Variants in FLI1 observed in about 807,000 individuals in gnomAD.
The protein encoded by FLI1 is Fli-1 proto-oncogene, ETS transcription factor.
In FLI1, 13 loss-of-function variants were observed where a neutral mutation model predicts 53.1. The observed-to-expected ratio is 0.24, with a 90% CI of 0.16 to 0.39. FLI1 has a LOEUF of 0.39. Ranked by LOEUF, FLI1 falls within the 10% of genes least tolerant of loss-of-function variation. FLI1 has a pLI of 1.00. For synonymous variants in FLI1, 244 were observed against 236.7 expected, an observed-to-expected ratio of 1.03 and a Z score of -0.28; for missense variants, 424 against 600.5, an observed-to-expected ratio of 0.71 and a Z score of 3.07.
At chr11:128,797,185 C>G (rs115788396) in intron 5 of FLI1, among the ~76,000 whole-genome samples, 302 of 152,350 alleles carry the variant, frequency 2.0e-3, no homozygotes, top group African/African-American at 6.7e-3. Context: ...AGACCACAGA[C>G]TTGACAATCA....
intron 1 of FLI1, among the ~76,000 whole-genome samples, chr11:128,706,557 T>C (rs1372793942): frequency 6.6e-6 from 1 of 152,118 alleles, no homozygotes; most frequent in Non-Finnish European, 1.5e-5. Context: ...CTTCAAGATG[T>C]AGTGTGTCAA....
chr11:128,688,273 G>A lies in FLI1; in HGVS notation c.-203+1572G>A, dbSNP rs537386933. Among the ~76,000 whole-genome samples the A allele has an allele frequency of 2.2e-4, 34 of 152,368 alleles. No individual in the cohort carries two copies. The South Asian group carries it at 7.0e-3, about 32-fold the overall frequency. ...GGCCACGGGTCAGGGACAAAGCGGA[G>A]GCGAGGAGACGGCAGTCTGGGAGCT... On this transcript the variant is annotated intron_variant, in intron 1 of 6. Transcript: ENST00000344954.
At chr11:128,798,069 G>A (rs187177691) in intron 5 of FLI1, among the ~76,000 whole-genome samples, 232 of 152,262 alleles carry the variant, frequency 1.5e-3, no homozygotes, top group African/African-American at 5.1e-3. Flanking sequence ...AGGGCGTTGC[G>A]TATAAACTGC....
chr11:128,761,374 A>T (rs986312771), intron 2 of FLI1, among the ~76,000 whole-genome samples: 1 of 152,192 alleles, frequency 6.6e-6, no homozygotes, highest in Non-Finnish European at 1.5e-5. Flanking sequence ...TGTCTGTCCT[A>T]GTTCTTATCA....
chr11:128,752,786 G>A (rs1385814770), intron 1 of FLI1, among the ~76,000 whole-genome samples: 1 of 152,184 alleles, frequency 6.6e-6, no homozygotes, highest in Non-Finnish European at 1.5e-5. Flanking sequence ...TATTTAATAA[G>A]TGCTGTGATT....
intron 1 of FLI1, among the ~76,000 whole-genome samples, chr11:128,730,553 A>G (rs1327699523): frequency 6.6e-6 from 1 of 152,176 alleles, no homozygotes; most frequent in Non-Finnish European, 1.5e-5. Flanking sequence ...GAACAGACAC[A>G]TGTTTTCATT....
upstream of FLI1, chr11:128,691,527 G>A (rs1283342663): frequency 4.6e-5 from 7 of 152,190 alleles, no homozygotes; most frequent in East Asian, 1.3e-3. Context: ...ACCAGTGCCA[G>A]TCTGTGAGTC....
chr11:128,751,358 C>CTTT (rs55904040), intron 1 of FLI1, among the ~76,000 whole-genome samples: 2 of 142,640 alleles, frequency 1.4e-5, no homozygotes, highest in African/African-American at 5.1e-5. Flanking sequence ...TTTTTTTTAA[C>CTTT]TTTTTTTTTT....
intron 1 of FLI1, among the ~76,000 whole-genome samples, chr11:128,729,627 T>A (rs1022915488): frequency 6.6e-6 from 1 of 152,140 alleles, no homozygotes; most frequent in African/African-American, 2.4e-5. Flanking sequence ...CCCCTTTTGC[T>A]CCCTTTGGTG....
At chr11:128,791,748 G>A (rs1378036582) in intron 5 of FLI1, among the ~76,000 whole-genome samples, 1 of 152,118 alleles carries the variant, frequency 6.6e-6, no homozygotes, top group African/African-American at 2.4e-5. Context: ...GTGGTTCCTT[G>A]GAAGCTGTGA....
chr11:128,750,181 C>A (rs528070952), intron 1 of FLI1, among the ~76,000 whole-genome samples: 1 of 152,180 alleles, frequency 6.6e-6, no homozygotes, highest in Non-Finnish European at 1.5e-5. Context: ...CTGGGAGCGG[C>A]GGAGTGGGCC....
Position 128,768,285 on chromosome 11 carries a change from C to A in FLI1, c.385+13C>A. ...ATCGTCCCCGCAGGTAATTCGAGAACCAGGCTGCCTGGGCGCCATTCACTT... is the reference window on the plus strand; with the variant it reads ...ATCGTCCCCGCAGGTAATTCGAGAAACAGGCTGCCTGGGCGCCATTCACTT... On this transcript the variant is annotated intron_variant, in intron 3 of 8. Coordinates refer to ENST00000527786, the MANE Select transcript of FLI1 (RefSeq NM_002017.5). 6.2e-7 allele frequency: 1 copy of A among 1,610,444 alleles called. No individual in the cohort carries two copies. The highest frequency in any genetic ancestry group is 1.1e-5 in the South Asian group (1 of 90,800).
At chr11:128,767,682 C>T (rs951812326) in intron 2 of FLI1, among the ~76,000 whole-genome samples, 5 of 152,192 alleles carry the variant, frequency 3.3e-5, no homozygotes, top group Admixed American at 6.5e-5. Flanking sequence ...AGTCAGGGGG[C>T]GCAGGCCAAG....
At chr11:128,729,202 A>G (rs1368502056) in intron 1 of FLI1, among the ~76,000 whole-genome samples, 2 of 152,236 alleles carry the variant, frequency 1.3e-5, no homozygotes, top group Admixed American at 6.5e-5. Flanking sequence ...CATGGTTCAA[A>G]GAAAAAAGGT....
At chr11:128,747,624 C>T in intron 1 of FLI1, among the ~76,000 whole-genome samples, 1 of 152,238 alleles carries the variant, frequency 6.6e-6, no homozygotes, top group East Asian at 1.9e-4. Flanking sequence ...TTGCTTTGCG[C>T]TGTCCCTTTG....
intron 5 of FLI1, among the ~76,000 whole-genome samples, chr11:128,785,775 C>T (rs1045632118): frequency 9.9e-5 from 15 of 152,136 alleles, no homozygotes; most frequent in African/African-American, 3.6e-4. Context: ...CATGATTGCA[C>T]TCATAGGAGG....
chr11:128,800,209 T>A (rs1268468952), intron 5 of FLI1, among the ~76,000 whole-genome samples: 1 of 152,232 alleles, frequency 6.6e-6, no homozygotes, highest in African/African-American at 2.4e-5. Context: ...ATTGCTCGGC[T>A]GAAAGGTCTG....
At chr11:128,803,783 T>A (rs1004553926) in intron 5 of FLI1, 7 of 152,248 alleles carry the variant, frequency 4.6e-5, no homozygotes, top group African/African-American at 1.7e-4. Flanking sequence ...CTGCCAACAT[T>A]GCACTTCCTC....
At chr11:128,781,100 T>C (rs1306478773) in intron 4 of FLI1, among the ~76,000 whole-genome samples, 1 of 152,228 alleles carries the variant, frequency 6.6e-6, no homozygotes, top group Non-Finnish European at 1.5e-5. Context: ...AATTGAAGTT[T>C]AATTTGAAAA....
Sources: allele counts gnomAD v4.1 joint callset (sites outside exome capture counted in the v4.1 genomes callset), GRCh38; gene constraint gnomAD v4.1.1; transcripts MANE v1.5; gene names NCBI Gene and HGNC (gene_info 2026-07-23, HGNC 2026-07-21).